The following DNAJC10 variants were observed in gnomAD, a reference collection of about 807,000 sequenced individuals.
The protein encoded by DNAJC10 is DnaJ heat shock protein family (Hsp40) member C10, also known as endoplasmic reticulum disulfide reductase DNAJC10.
DNAJC10 carries 101 observed loss-of-function variants against 115.0 expected under a neutral mutation model. The ratio of observed to expected loss-of-function variants is 0.88; its 90% confidence interval spans 0.75 to 1.04. DNAJC10 has a LOEUF of 1.04. Ranked by LOEUF, DNAJC10 falls within the 50% of genes least tolerant of loss-of-function variation. DNAJC10 has a pLI of 0.00. For missense variants in DNAJC10, 981 were observed against 928.8 expected, an observed-to-expected ratio of 1.06 and a Z score of -0.73; for synonymous variants, 307 against 301.5, an observed-to-expected ratio of 1.02 and a Z score of -0.19.
rs1693398388 is a variant in DNAJC10 at position 182,729,907 on chromosome 2, G to A, written c.693G>A (p.Gln231=). 2.5e-6 allele frequency: 4 copies of A among 1,609,652 alleles called. No homozygotes were observed. In the South Asian group the frequency reaches 4.4e-5, roughly 18 times the overall value. ...SKESLVSFAM[Q]HVRSTVTELW... ...AGAGTTTAGTGAGTTTTGCAATGCA[G>A]CATGTTAGAAGTACAGTGACAGAAC... Residue 231 remains glutamine, a synonymous_variant, in exon 8 of 24, where the codon CAG becomes CAA. Transcript: ENST00000264065.
intron 14 of DNAJC10, among the ~76,000 whole-genome samples, chr2:182,745,763 G>A (rs1693847200): frequency 6.7e-6 from 1 of 149,056 alleles, no homozygotes; most frequent in Non-Finnish European, 1.5e-5. Flanking sequence ...TATACTTCAA[G>A]TTTTAGGGTA....
At chr2:182,738,839 C>T (rs536461136) in intron 11 of DNAJC10, among the ~76,000 whole-genome samples, 4 of 152,166 alleles carry the variant, frequency 2.6e-5, no homozygotes, top group South Asian at 4.2e-4. Flanking sequence ...CGCACCTGGC[C>T]GCATTCAGGT....
rs1018440352 is a variant in DNAJC10 at position 182,784,386 on chromosome 2, C to T, written c.*7254C>T. 2.6e-5 allele frequency: 4 copies of T among 152,060 alleles called. No homozygotes were observed. Among genetic ancestry groups the T allele is most frequent in the Non-Finnish European group, 5.9e-5 (4 of 68,008 alleles). The allele number at this position is 152,060 out of a possible 1,614,324, so 9.4% of individuals were successfully genotyped here. ...TATTTTATATAAACTTAAGAAACCTCCCCACACAAACACACACAGCCATAT... is the reference window on the plus strand; with the variant it reads ...TATTTTATATAAACTTAAGAAACCTTCCCACACAAACACACACAGCCATAT... On this transcript the variant is annotated 3_prime_UTR_variant, in exon 24 of 24. Coordinates refer to ENST00000264065, the MANE Select transcript of DNAJC10 (RefSeq NM_018981.4).
In DNAJC10 at chr2:182,768,136, A is replaced by G. The variant is rs183422880; in HGVS notation, c.2265+5335A>G. ...AGAAATCTAGAATTGCCACACATCT[A>G]GATTTTTCAGTGAAGGTTTTTGATT... On this transcript the variant is annotated intron_variant, in intron 22 of 23. Transcript: ENST00000264065. 2.0e-5 allele frequency among the ~76,000 whole-genome samples: 3 copies of G among 152,230 alleles called. No individual in the cohort carries two copies. The East Asian group carries it at 5.8e-4, about 29-fold the overall frequency.
chr2:182,787,674 C>T lies in DNAJC10; in HGVS notation c.*10542C>T, dbSNP rs895807205. 1.3e-5 allele frequency: 2 copies of T among 152,268 alleles called. No homozygotes were observed. The highest frequency in any genetic ancestry group is 4.8e-5 in the African/African-American group (2 of 41,422). 9.4% of individuals were successfully genotyped at this position (152,268 alleles called of 1,614,324 possible). ...GTGGCTCACACCTGTAACTCCAGCA[C>T]TTTGGAAGGCCCAGGCAGAAGGATT... On this transcript the variant is annotated 3_prime_UTR_variant, in exon 24 of 24. Transcript: ENST00000264065.
Position 182,759,220 on chromosome 2 carries a change from A to G in DNAJC10, c.2058A>G (p.Gln686=). The G allele has an allele frequency of 1.9e-6, 3 of 1,609,786 alleles. No individual in the cohort carries two copies. The highest frequency in any genetic ancestry group is 2.2e-5 in the East Asian group (1 of 44,790). ...AGACTTTCAGTGAAAAAGTTCTACA[A>G]GGGAAAAATCATTGGGTGATTGATT... The part of the protein sequence containing the change: ...TPQTFSEKVL[Q]GKNHWVIDFY... The change falls in exon 21 of 24, where the codon CAA becomes CAG. Residue 686 remains glutamine (Q), a synonymous_variant. Transcript: ENST00000264065.
intron 14 of DNAJC10, among the ~76,000 whole-genome samples, chr2:182,746,644 G>T (rs972432854): frequency 2.6e-5 from 4 of 152,162 alleles, no homozygotes; most frequent in Admixed American, 2.0e-4. Flanking sequence ...TTTCTCAGAT[G>T]AGTAGGTTGC....
At chr2:182,774,593 G>T (rs891528741) in intron 22 of DNAJC10, among the ~76,000 whole-genome samples, 1 of 152,222 alleles carries the variant, frequency 6.6e-6, no homozygotes, top group African/African-American at 2.4e-5. Context: ...CCACCTCACA[G>T]TTCAATCTTA....
chr2:182,759,393 T>C, intron 21 of DNAJC10, 86 bp downstream of exon 21: 1 of 1,355,136 alleles, frequency 7.4e-7, no homozygotes, highest in Non-Finnish European at 1.0e-6. Flanking sequence ...AATTTTTAGG[T>C]TTTTTTCTTA....
In DNAJC10 at chr2:182,793,578, G is replaced by T. The variant is rs542163488; in HGVS notation, c.*16446G>T. 1.3e-5 allele frequency: 2 copies of T among 152,164 alleles called. No individual in the cohort carries two copies. The highest frequency in any genetic ancestry group is 1.9e-4 in the East Asian group (1 of 5,170). The allele number at this position is 152,164 out of a possible 1,614,324, so 9.4% of individuals were successfully genotyped here. On this transcript the variant is annotated 3_prime_UTR_variant, in exon 24 of 24. Coordinates refer to ENST00000264065, the MANE Select transcript of DNAJC10 (RefSeq NM_018981.4). ...AAATAGCTTGATTGGTTACAGATAG[G>T]CATTTGCCTTATTTGGACATGGTCT...
intron 11 of DNAJC10, 77 bp from the exon 12 acceptor site, chr2:182,740,222 G>T: frequency 1.7e-6 from 2 of 1,190,556 alleles, no homozygotes; most frequent in Non-Finnish European, 1.1e-6. Flanking sequence ...TACTACATTG[G>T]AAATTGAAAA....
intron 22 of DNAJC10, among the ~76,000 whole-genome samples, chr2:182,770,956 G>T (rs1694545228): frequency 6.6e-6 from 1 of 152,098 alleles, no homozygotes; most frequent in Non-Finnish European, 1.5e-5. Flanking sequence ...GTCATGAATA[G>T]CTCTTATTAT....
intron 14 of DNAJC10, among the ~76,000 whole-genome samples, chr2:182,745,363 C>A (rs1466827448): frequency 6.6e-6 from 1 of 152,234 alleles, no homozygotes; most frequent in Non-Finnish European, 1.5e-5. Flanking sequence ...CTCCTCTGTG[C>A]CTTCACACGA....
chr2:182,718,312 A>T (rs2105600523), intron 3 of DNAJC10, 22 bp downstream of exon 3: 2 of 1,540,324 alleles, frequency 1.3e-6, no homozygotes, highest in Middle Eastern at 2.0e-4. Context: ...TTTGTTTTTA[A>T]AAATATTTGA....
Position 182,736,353 on chromosome 2 carries a change from C to T in DNAJC10, c.954C>T (p.Ala318=). 6.3e-7 allele frequency: 1 copy of T among 1,582,668 alleles called. No homozygotes were observed. Among genetic ancestry groups the T allele is most frequent in the Middle Eastern group, 1.7e-4 (1 of 5,996 alleles). Reference sequence around the variant, plus strand: ...CTACTGCTTATTTTCCTCCTGGAGCCACTTTAAATAACAAAGAGAAAAACA... The same window carrying T: ...CTACTGCTTATTTTCCTCCTGGAGCTACTTTAAATAACAAAGAGAAAAACA... ...TSTTAYFPPG[A]TLNNKEKNSI... is the part of the protein sequence containing the mutation. The change falls in exon 11 of 24, where the codon GCC becomes GCT. Residue 318 remains alanine, a synonymous_variant. Transcript: ENST00000264065.
chr2:182,745,100 A>T (rs1693827420), intron 14 of DNAJC10, among the ~76,000 whole-genome samples: 2 of 152,066 alleles, frequency 1.3e-5, no homozygotes, highest in South Asian at 4.1e-4. Flanking sequence ...GACTTACCTT[A>T]TTTCTTATAG....
At chr2:182,755,562 C>A (rs1694136963) in intron 17 of DNAJC10, among the ~76,000 whole-genome samples, 2 of 152,062 alleles carry the variant, frequency 1.3e-5, no homozygotes, top group African/African-American at 4.8e-5. Context: ...GTCCTACTCA[C>A]CTGTTCCTCC....
At chr2:182,749,104 G>T (rs1004661794) in intron 14 of DNAJC10, among the ~76,000 whole-genome samples, 1 of 152,052 alleles carries the variant, frequency 6.6e-6, no homozygotes, top group African/African-American at 2.4e-5. Context: ...AATAGGTGTG[G>T]TGCAGTGCTG....
In DNAJC10 at chr2:182,788,561, G is replaced by C. The variant is rs1191220129; in HGVS notation, c.*11429G>C. 1 of 203,404 alleles carries C rather than the reference G, an allele frequency of 4.9e-6. No individual in the cohort carries two copies. Among genetic ancestry groups the C allele is most frequent in the Admixed American group, 6.0e-5 (1 of 16,682 alleles). The allele number at this position is 203,404 out of a possible 1,614,324, so 12.6% of individuals were successfully genotyped here. ...GAAAAATATCTTGGAAATAAGGATG[G>C]ACAGTTTAAGTACTTATCTCAAAAG... On this transcript the variant is annotated 3_prime_UTR_variant, in exon 24 of 24. Transcript: ENST00000264065.
Sources: gnomAD v4.1 joint callset for allele counts (sites outside exome capture counted in the v4.1 genomes callset) on GRCh38, gnomAD v4.1.1 for gene constraint, MANE v1.5 for transcripts, NCBI Gene and HGNC (gene_info 2026-07-23, HGNC 2026-07-21) for gene names.